The following ST6GALNAC3 variants were observed in gnomAD, a reference collection of about 807,000 sequenced individuals.
ST6GALNAC3 encodes the protein alpha-N-acetylgalactosaminide alpha-2,6-sialyltransferase 3.
Under a neutral mutation model 32.7 loss-of-function variants are expected in ST6GALNAC3, and 25 were observed. The observed-to-expected ratio is 0.76, with a 90% confidence interval of 0.56 to 1.07. The LOEUF (loss-of-function observed/expected upper bound fraction) is 1.07. Among genes scored for constraint, ST6GALNAC3 ranks in the 50% least tolerant of loss-of-function variants. ST6GALNAC3 has a pLI of 0.00. For synonymous variants in ST6GALNAC3, 129 were observed against 133.1 expected, an observed-to-expected ratio of 0.97 and a Z score of 0.21; for missense variants, 355 against 382.4, an observed-to-expected ratio of 0.93 and a Z score of 0.60.
At chr1:76,134,291 C>A (rs1206409813) in intron 1 of ST6GALNAC3, among the ~76,000 whole-genome samples, 1 of 152,192 alleles carries the variant, frequency 6.6e-6, no homozygotes, top group East Asian at 1.9e-4. Flanking sequence ...ACAGCTGTAT[C>A]CTTACTCATT....
At chr1:76,588,270 T>G (rs1230221085) in intron 3 of ST6GALNAC3, among the ~76,000 whole-genome samples, 1 of 152,144 alleles carries the variant, frequency 6.6e-6, no homozygotes, top group East Asian at 1.9e-4. Flanking sequence ...TAGTTTTTTT[T>G]TTAATGTAGC....
chr1:76,119,411 C>G (rs1166777046), intron 1 of ST6GALNAC3, among the ~76,000 whole-genome samples: 1 of 152,162 alleles, frequency 6.6e-6, no homozygotes, highest in Admixed American at 6.5e-5. Context: ...GGACATTGGT[C>G]AGACTGCCAT....
chr1:76,458,076 A>C (rs949745050), intron 3 of ST6GALNAC3, among the ~76,000 whole-genome samples: 2 of 148,772 alleles, frequency 1.3e-5, no homozygotes, highest in African/African-American at 4.9e-5. Flanking sequence ...TGGGCGAAGG[A>C]CATGAACAGA....
At chr1:76,388,438 G>A (rs912725240) in intron 2 of ST6GALNAC3, among the ~76,000 whole-genome samples, 2 of 152,162 alleles carry the variant, frequency 1.3e-5, no homozygotes, top group Admixed American at 6.5e-5. Flanking sequence ...AGAGCTGATA[G>A]AGGAAAAGCA....
At chr1:76,597,750 T>C (rs1647160547) in intron 3 of ST6GALNAC3, among the ~76,000 whole-genome samples, 1 of 152,094 alleles carries the variant, frequency 6.6e-6, no homozygotes, top group Non-Finnish European at 1.5e-5. Flanking sequence ...TTTATAGTGA[T>C]TATATGAAGA....
At chr1:76,330,601 G>A (rs1647171912) in intron 2 of ST6GALNAC3, among the ~76,000 whole-genome samples, 1 of 152,178 alleles carries the variant, frequency 6.6e-6, no homozygotes, top group South Asian at 2.1e-4. Context: ...TCTTCTAAGT[G>A]GTTTATATGC....
intron 1 of ST6GALNAC3, chr1:76,313,544 C>G: frequency 1.8e-6 from 1 of 553,004 alleles, no homozygotes; most frequent in Non-Finnish European, 3.3e-6. Context: ...TAGGAGTGTA[C>G]AAGGAATATA....
rs1420627930 is a variant in ST6GALNAC3 at position 76,356,459 on chromosome 1, T to C, written c.213+42460T>C. Among the ~76,000 whole-genome samples the C allele has an allele frequency of 1.6e-4, 19 of 122,302 alleles. No homozygotes were observed. The Admixed American group carries it at 1.6e-3, about 10-fold the overall frequency. The allele number at this position is 122,302 out of a possible 152,430, so 80.2% of individuals were successfully genotyped here. Reference sequence around the variant, plus strand: ...TAAAAAAAAAAAAAAAAAAGCCTAATAGAATTTACATGCCAGTGCAGGAAC... The same window carrying C: ...TAAAAAAAAAAAAAAAAAAGCCTAACAGAATTTACATGCCAGTGCAGGAAC... On this transcript the variant is annotated intron_variant, in intron 2 of 4. Transcript: ENST00000328299.
intron 1 of ST6GALNAC3, among the ~76,000 whole-genome samples, chr1:76,129,767 C>T (rs1649490904): frequency 6.6e-6 from 1 of 152,118 alleles, no homozygotes; most frequent in Non-Finnish European, 1.5e-5. Flanking sequence ...CATTCACATG[C>T]AGCACAGAGA....
chr1:76,139,211 A>AT lies in ST6GALNAC3; in HGVS notation c.18+64327_18+64328insT, dbSNP rs59114678. Among the ~76,000 whole-genome samples the AT allele has an allele frequency of 3.5e-4, 53 of 152,150 alleles. 1 individual carries two copies. Among genetic ancestry groups the AT allele is most frequent in the African/African-American group, 1.2e-3 (50 of 41,486 alleles). The stretch of plus-strand genomic sequence containing the variant: ...TCCGTCTCAATGGAAAAAAAAAAAA[A>AT]AAATCTATGCACCTACACATACATG... On this transcript the variant is annotated intron_variant, in intron 1 of 4. Coordinates refer to ENST00000328299, the MANE Select transcript of ST6GALNAC3 (RefSeq NM_152996.4).
intron 2 of ST6GALNAC3, among the ~76,000 whole-genome samples, chr1:76,367,648 A>T (rs915192097): frequency 2.6e-5 from 4 of 152,156 alleles, no homozygotes; most frequent in African/African-American, 9.7e-5. Context: ...TGTGATTTCA[A>T]TCAAGCAATG....
At chr1:76,635,941 A>G (rs1162883601), downstream of ST6GALNAC3, among the ~76,000 whole-genome samples, 1 of 152,172 alleles carries the variant, frequency 6.6e-6, no homozygotes, top group African/African-American at 2.4e-5. Context: ...AAAGAATTTG[A>G]TGAACATGTA....
At chr1:76,508,108 G>A (rs75638729) in intron 3 of ST6GALNAC3, among the ~76,000 whole-genome samples, 6 of 152,114 alleles carry the variant, frequency 3.9e-5, no homozygotes, top group African/African-American at 7.2e-5. Context: ...TTAGATCAGC[G>A]GTTTCCAACC....
chr1:76,380,086 A>C (rs1193637899), intron 2 of ST6GALNAC3, among the ~76,000 whole-genome samples: 4 of 152,182 alleles, frequency 2.6e-5, no homozygotes, highest in Non-Finnish European at 4.4e-5. Flanking sequence ...AAATGAGAGG[A>C]TATTAGGGAG....
rs1014656090 is a variant in ST6GALNAC3, at chr1:76,630,751, G to A, written c.*1945G>A. 65 of 985,430 alleles carry A rather than the reference G, an allele frequency of 6.6e-5. No homozygotes were observed. The highest frequency in any genetic ancestry group is 7.0e-5 in the Non-Finnish European group (58 of 829,830). 61.0% of individuals were successfully genotyped at this position (985,430 alleles called of 1,614,324 possible). A position where few individuals can be genotyped will look rare whatever the true frequency, so the allele number is the denominator to read the frequency against. ...AACATTACTAAGCCCCAGTTCTATC[G>A]TTGGAAGGAGTTGTTATTCTTTTGT... On this transcript the variant is annotated 3_prime_UTR_variant, in exon 5 of 5. Transcript: ENST00000328299.
intron 3 of ST6GALNAC3, among the ~76,000 whole-genome samples, chr1:76,559,640 A>G (rs988519690): frequency 6.6e-6 from 1 of 152,192 alleles, no homozygotes; most frequent in South Asian, 2.1e-4. Context: ...CCCTCACACA[A>G]GGAGATTAAT....
chr1:76,402,747 G>T (rs947089733), intron 2 of ST6GALNAC3, among the ~76,000 whole-genome samples: 1 of 152,010 alleles, frequency 6.6e-6, no homozygotes, highest in Non-Finnish European at 1.5e-5. Context: ...ATTAACACTT[G>T]CTTCCTTTTA....
intron 1 of ST6GALNAC3, among the ~76,000 whole-genome samples, chr1:76,256,064 G>A (rs953635643): frequency 3.4e-5 from 5 of 146,058 alleles, no homozygotes; most frequent in Non-Finnish European, 6.0e-5. Flanking sequence ...CTACAAAAGA[G>A]CCCCAAGTCT....
intron 3 of ST6GALNAC3, among the ~76,000 whole-genome samples, chr1:76,575,687 A>G (rs1309064796): frequency 1.3e-5 from 2 of 152,068 alleles, no homozygotes; most frequent in Admixed American, 1.3e-4. Flanking sequence ...TCCGTAGGGA[A>G]AAGGTGAAAT....
Sources: allele counts gnomAD v4.1 joint callset (sites outside exome capture counted in the v4.1 genomes callset), GRCh38; gene constraint gnomAD v4.1.1; transcripts MANE v1.5; gene names NCBI Gene and HGNC (gene_info 2026-07-23, HGNC 2026-07-21).